The following DDAH1 variants were observed in gnomAD, a reference collection of about 807,000 sequenced individuals.
The protein encoded by DDAH1 is N(G),N(G)-dimethylarginine dimethylaminohydrolase 1.
Under a neutral mutation model 28.8 loss-of-function variants are expected in DDAH1, and 19 were observed. The observed-to-expected ratio is 0.66, with a 90% CI of 0.46 to 0.97. The LOEUF is 0.97. Among genes scored for constraint, DDAH1 ranks in the 50% least tolerant of loss-of-function variants. DDAH1 has a pLI of 0.00. For synonymous variants in DDAH1, 153 were observed against 154.4 expected, an observed-to-expected ratio of 0.99 and a Z score of 0.07; for missense variants, 326 against 375.9, an observed-to-expected ratio of 0.87 and a Z score of 1.10.
At chr1:85,418,406 ATGTG>A (rs1254867237) in intron 1 of DDAH1, among the ~76,000 whole-genome samples, 4 of 152,178 alleles carry the variant, frequency 2.6e-5, no homozygotes, top group African/African-American at 4.8e-5. Flanking sequence ...ATTTCTTTTT[ATGTG>A]TTTATTATAC....
chr1:85,513,316 G>A lies in DDAH1; in HGVS notation c.-122-17035C>T, dbSNP rs189649446. On this transcript the variant is annotated intron_variant, in intron 1 of 6. Coordinates refer to the DDAH1 transcript ENST00000426972. ...TAGCCATATGTAGAAAACTGAAACT[G>A]GATCCCTTCCTTATACCTTATACAA... Among the ~76,000 whole-genome samples the A allele has an allele frequency of 5.0e-4, 76 of 152,254 alleles. 1 individual carries two copies. The highest frequency in any genetic ancestry group is 5.3e-4 in the Non-Finnish European group (36 of 68,004).
intron 1 of DDAH1, among the ~76,000 whole-genome samples, chr1:85,513,842 G>A (rs1657345207): frequency 1.3e-5 from 2 of 152,178 alleles, no homozygotes; most frequent in South Asian, 2.1e-4. Flanking sequence ...TCATTAAAAA[G>A]TCAGGAAACA....
intron 2 of DDAH1, among the ~76,000 whole-genome samples, chr1:85,486,944 AC>A (rs1354756546): frequency 6.6e-6 from 1 of 152,200 alleles, no homozygotes; most frequent in Non-Finnish European, 1.5e-5. Flanking sequence ...TTACCCTGAA[AC>A]TAATAGAGAA....
chr1:85,464,688 C>G lies in DDAH1; in HGVS notation c.303+55G>C. 7.0e-7 allele frequency: 1 copy of G among 1,427,626 alleles called. No homozygotes were observed. 88.4% of individuals were successfully genotyped at this position (1,427,626 alleles called of 1,614,324 possible). A position where few individuals can be genotyped will look rare whatever the true frequency, so the allele number is the denominator to read the frequency against. On this transcript the variant is annotated intron_variant, in intron 1 of 5. Coordinates refer to ENST00000284031, the MANE Select transcript of DDAH1 (RefSeq NM_012137.4). The surrounding 1 kb of genome is among the most constrained non-coding windows in gnomAD (Gnocchi z 4.4). ...ACTCCCCAGGCAACACGGCGGCCGG[C>G]GGCGGGGGAGGGCCTGGCGCGCGCC...
intron 4 of DDAH1, among the ~76,000 whole-genome samples, chr1:85,340,115 A>G (rs1648383006): frequency 6.6e-6 from 1 of 152,220 alleles, no homozygotes; most frequent in African/African-American, 2.4e-5. Context: ...GGAAAAGGGT[A>G]AAGGACAGAG....
intron 1 of DDAH1, among the ~76,000 whole-genome samples, chr1:85,528,644 A>G (rs2795974): frequency 6.6e-6 from 1 of 152,140 alleles, no homozygotes; most frequent in Non-Finnish European, 1.5e-5. Context: ...TTAAAAATTA[A>G]GCTACTTCCT....
intron 1 of DDAH1, among the ~76,000 whole-genome samples, chr1:85,552,190 G>C (rs1658814083): frequency 6.6e-6 from 1 of 152,174 alleles, no homozygotes; most frequent in African/African-American, 2.4e-5. Context: ...TTATAGACCA[G>C]AAGAGAAAGA....
At chr1:85,556,025 A>C (rs1461216156) in intron 1 of DDAH1, among the ~76,000 whole-genome samples, 3 of 152,088 alleles carry the variant, frequency 2.0e-5, no homozygotes, top group Non-Finnish European at 4.4e-5. Context: ...GGCGGGTAGA[A>C]CAGAAGGCAC....
chr1:85,420,913 G>A (rs775883706), intron 1 of DDAH1, among the ~76,000 whole-genome samples: 80 of 152,174 alleles, frequency 5.3e-4, no homozygotes, highest in Non-Finnish European at 1.0e-3. Flanking sequence ...ATTGGCTCAG[G>A]GTTCTGCAGG....
chr1:85,331,509 T>C (rs992019894), intron 4 of DDAH1, among the ~76,000 whole-genome samples: 1 of 152,016 alleles, frequency 6.6e-6, no homozygotes, highest in Non-Finnish European at 1.5e-5. Flanking sequence ...GGTCTATTGA[T>C]ACAATATATG....
At chr1:85,406,532 CAAG>C (rs1354557928) in intron 1 of DDAH1, among the ~76,000 whole-genome samples, 1 of 151,868 alleles carries the variant, frequency 6.6e-6, no homozygotes, top group African/African-American at 2.4e-5. Context: ...TTGAAATATT[CAAG>C]AAGGATACAT....
intron 1 of DDAH1, among the ~76,000 whole-genome samples, chr1:85,424,421 T>C (rs1653296840): frequency 6.6e-6 from 1 of 152,158 alleles, no homozygotes; most frequent in South Asian, 2.1e-4. Flanking sequence ...GAATGAATTA[T>C]GCAACCTGAT....
chr1:85,322,755 A>G (rs906106490), intron 5 of DDAH1, among the ~76,000 whole-genome samples: 5 of 152,222 alleles, frequency 3.3e-5, no homozygotes, highest in Admixed American at 6.5e-5. Flanking sequence ...GCACCGGGGA[A>G]GCCCTCAGTA....
At chr1:85,492,841 A>G (rs77727821) in intron 2 of DDAH1, among the ~76,000 whole-genome samples, 3,116 of 152,244 alleles carry the variant, frequency 0.02, 103 homozygotes, top group African/African-American at 0.071. Context: ...AAACAATGTC[A>G]AGGGAACCAA....
chr1:85,340,469 A>C (rs1648406805), intron 4 of DDAH1, among the ~76,000 whole-genome samples: 1 of 152,168 alleles, frequency 6.6e-6, no homozygotes. Flanking sequence ...ACAGAACAGG[A>C]GTTCTGTAAT....
intron 1 of DDAH1, among the ~76,000 whole-genome samples, chr1:85,429,218 ATGTGTTCT>A (rs1208797145): frequency 1.5e-5 from 2 of 130,650 alleles, no homozygotes; most frequent in African/African-American, 5.9e-5. Context: ...CCCTGTGTCC[ATGTGTTCT>A]CATTGTTCAA....
In DDAH1 at chr1:85,435,168, G is replaced by A. The variant is rs375123971; in HGVS notation, c.303+29575C>T. On this transcript the variant is annotated intron_variant, in intron 1 of 5. Coordinates refer to ENST00000284031, the MANE Select transcript of DDAH1 (RefSeq NM_012137.4). ...CCACTTAATTTGCCCATTAGTTATT[G>A]TATTATTAAAGACTAGTCAAGTGCA... The A allele has an allele frequency of 7.2e-5, 11 of 152,218 alleles. No individual in the cohort carries two copies. The South Asian group carries it at 2.3e-3, about 32-fold the overall frequency. The allele number at this position is 152,218 out of a possible 1,614,324, so 9.4% of individuals were successfully genotyped here. A position where few individuals can be genotyped will look rare whatever the true frequency, so the allele number is the denominator to read the frequency against.
At chr1:85,381,338 G>A (rs1650977229) in intron 1 of DDAH1, among the ~76,000 whole-genome samples, 1 of 48,528 alleles carries the variant, frequency 2.1e-5, no homozygotes, top group Non-Finnish European at 3.5e-5. Flanking sequence ...AATGTTTTCA[G>A]CCTGCATTGT....
chr1:85,440,909 G>C (rs982008649), intron 1 of DDAH1, among the ~76,000 whole-genome samples: 20 of 151,386 alleles, frequency 1.3e-4, no homozygotes, highest in African/African-American at 4.8e-4. Flanking sequence ...AAGCAGGATT[G>C]GAAAATTAAG....
Sources: allele counts gnomAD v4.1 joint callset (sites outside exome capture counted in the v4.1 genomes callset), GRCh38; gene constraint gnomAD v4.1.1; non-coding constraint Gnocchi (gnomAD v3.1); transcripts MANE v1.5; gene names NCBI Gene and HGNC (gene_info 2026-07-23, HGNC 2026-07-21).